Variants in PIP4P1 observed in about 807,000 individuals in gnomAD.
PIP4P1 encodes phosphatidylinositol-4,5-bisphosphate 4-phosphatase 1, also known as type 1 phosphatidylinositol 4,5-bisphosphate 4-phosphatase.
Under a neutral mutation model 32.3 loss-of-function variants are expected in PIP4P1, and 14 were observed. The ratio of observed to expected loss-of-function variants is 0.43; its 90% CI spans 0.29 to 0.68. The LOEUF (loss-of-function observed/expected upper bound fraction) is 0.68. PIP4P1 is among the 30% of genes least tolerant of loss of function. The probability of loss-of-function intolerance (pLI) is 0.15; values close to 1 mark genes in which losing one functional copy is unlikely to be tolerated. For synonymous variants in PIP4P1, 132 were observed against 137.9 expected (o/e 0.96, Z 0.30); for missense variants, 289 against 364.5 (o/e 0.79, Z 1.69).
In PIP4P1 at chr14:20,457,907, C is replaced by T. The variant is rs879497853; in HGVS notation, c.*652G>A. ...CAAGCACAGGATAAGTCCCTAACCT[C>T]CCCCAAAGACTGAGCAACCCTACCC... On this transcript the variant is annotated 3_prime_UTR_variant, in exon 7 of 7. Coordinates refer to ENST00000250489, the MANE Select transcript of PIP4P1 (RefSeq NM_144568.4). 8 of 328,728 alleles carry T rather than the reference C, an allele frequency of 2.4e-5. No individual in the cohort carries two copies. The highest frequency in any genetic ancestry group is 4.4e-5 in the Admixed American group (1 of 22,734). The allele number at this position is 328,728 out of a possible 1,614,324, so 20.4% of individuals were successfully genotyped here.
rs1881712901 is a variant in PIP4P1 at position 20,461,405 on chromosome 14, CG to C, written c.-81del. The C allele has an allele frequency of 8.2e-7, 1 of 1,212,920 alleles. No homozygotes were observed. The highest frequency in any genetic ancestry group is 3.2e-5 in the East Asian group (1 of 31,494). 75.1% of individuals were successfully genotyped at this position (1,212,920 alleles called of 1,614,324 possible). On this transcript the variant is annotated 5_prime_UTR_variant, in exon 1 of 7. Coordinates refer to ENST00000250489, the MANE Select transcript of PIP4P1 (RefSeq NM_144568.4). ...CCGTCGCCGCAGCCACCGCCACCGCCGCCACCGCCACCGCCGCTACCGGGTC... is the reference window on the plus strand; with the variant it reads ...CCGTCGCCGCAGCCACCGCCACCGCCCCACCGCCACCGCCGCTACCGGGTC...
chr14:20,459,981 G>C (rs749351165), intron 3 of PIP4P1: 10 of 620,664 alleles, frequency 1.6e-5, no homozygotes, highest in Non-Finnish European at 2.6e-5. Context: ...AGTCCCCAAG[G>C]CTCTCTATTC....
intron 3 of PIP4P1, 157 bp from the exon 4 acceptor site, chr14:20,459,890 C>T (rs1053466863): frequency 4.7e-6 from 3 of 638,770 alleles, no homozygotes; most frequent in Admixed American, 5.7e-5. Flanking sequence ...AACTGTATAC[C>T]CTCAAGAATC....
At chr14:20,458,962 CTTAAA>C (rs761893349) in intron 6 of PIP4P1, 75 of 625,604 alleles carry the variant, frequency 1.2e-4, no homozygotes, top group Non-Finnish European at 1.8e-4. Flanking sequence ...AATAGCAACT[CTTAAA>C]TTAAGAATTT....
intron 3 of PIP4P1, 184 bp from the exon 4 acceptor site, chr14:20,459,917 C>T (rs1881637588): frequency 3.2e-6 from 2 of 626,538 alleles, no homozygotes; most frequent in Middle Eastern, 4.3e-4. Flanking sequence ...AAAGAAAGAG[C>T]ACTGTTTAAA....
Position 20,457,955 on chromosome 14 carries a change from G to C in PIP4P1, c.*604C>G, listed in dbSNP as rs537226209. ...CCCAGCCCAGTTAAATACTGCAACTGGGGGGGTAAAAAAGGTCGGGAGGAG... is the reference window on the plus strand; with the variant it reads ...CCCAGCCCAGTTAAATACTGCAACTCGGGGGGTAAAAAAGGTCGGGAGGAG... On this transcript the variant is annotated 3_prime_UTR_variant, in exon 7 of 7. Coordinates refer to ENST00000250489, the MANE Select transcript of PIP4P1 (RefSeq NM_144568.4). 1 of 309,054 alleles carries C rather than the reference G, an allele frequency of 3.2e-6. No individual in the cohort carries two copies. Among genetic ancestry groups the C allele is most frequent in the East Asian group, 8.4e-5 (1 of 11,868 alleles). The allele number at this position is 309,054 out of a possible 1,614,324, so 19.1% of individuals were successfully genotyped here.
In PIP4P1 at chr14:20,461,318, G is replaced by A. The variant is rs1881704164; in HGVS notation, c.8C>T (p.Ala3Val). The change falls in exon 1 of 7, where the codon GCA (alanine) becomes GTA (valine). Residue 3 changes from alanine (A) to valine (V), a missense_variant. Physicochemically the swap from Ala to Val is moderately conservative, Grantham distance 64 (BLOSUM62 0). Around this residue, in one of 2 missense-constraint regions of PIP4P1, gnomAD observed 108 missense variants for 101.2 expected, o/e 1.07. Coordinates refer to ENST00000250489, the MANE Select transcript of PIP4P1 (RefSeq NM_144568.4). MA[A>V]DGERSPLLSE... is the part of the protein sequence containing the mutation. ...CAGCAGCGGGGAACGCTCTCCATCT[G>A]CCGCCATGGCCGCCACCGCCGCCTC... 1.6e-6 allele frequency: 2 copies of A among 1,285,064 alleles called. No individual in the cohort carries two copies. Among genetic ancestry groups the A allele is most frequent in the African/African-American group, 1.5e-5 (1 of 65,970 alleles). The allele number at this position is 1,285,064 out of a possible 1,614,324, so 79.6% of individuals were successfully genotyped here. A position where few individuals can be genotyped will look rare whatever the true frequency, so the allele number is the denominator to read the frequency against.
At position 20,459,656 on chromosome 14, in the gene PIP4P1, A is replaced by G; in HGVS notation, c.518T>C (p.Ile173Thr). 1 of 1,614,110 alleles carries G rather than the reference A, an allele frequency of 6.2e-7. No individual in the cohort carries two copies. The highest frequency in any genetic ancestry group is 8.5e-7 in the Non-Finnish European group (1 of 1,180,000). The change falls in exon 4 of 7, where the codon ATC (isoleucine) becomes ACC (threonine). Residue 173 changes from isoleucine (I) to threonine (T), a missense_variant. Around this residue, in one of 2 missense-constraint regions of PIP4P1, gnomAD observed 181 missense variants for 263.3 expected, o/e 0.69. Transcript: ENST00000250489. ...AAAAGTATTCTTGCAATGTCCACAG[A>G]TAACCCTGACACCCATGGGTTGGGG... is the stretch of plus-strand genomic sequence containing the variant. ...PEPQPMGVRV[I>T]CGHCKNTFLW...
At chr14:20,461,058 A>C (rs1380782976) in intron 1 of PIP4P1, 126 bp downstream of exon 1, 2 of 1,274,646 alleles carry the variant, frequency 1.6e-6, no homozygotes, top group African/African-American at 3.1e-5. Flanking sequence ...TCACAGGTGC[A>C]GCAGTCCCGC....
chr14:20,458,588 C>T lies in PIP4P1; in HGVS notation c.805G>A (p.Val269Ile). 6.2e-7 allele frequency: 1 copy of T among 1,614,124 alleles called. No homozygotes were observed. Among genetic ancestry groups the T allele is most frequent in the Non-Finnish European group, 8.5e-7 (1 of 1,179,990 alleles). ...GAGAAGTTCTGGACAGGGTGGCTGA[C>T]CTTCATACAGGCCCAATAAAGAGCC... is the stretch of plus-strand genomic sequence containing the variant. ...GRALYWACMKVSHPVQNFS is the reference protein window; with the variant it reads ...GRALYWACMKISHPVQNFS Residue 269 changes from valine to isoleucine, a missense_variant, in exon 7 of 7, where the codon GTC becomes ATC. Physicochemically the swap from Val to Ile is conservative, Grantham distance 29. Around this residue, in one of 2 missense-constraint regions of PIP4P1, gnomAD observed 181 missense variants for 263.3 expected, o/e 0.69. Coordinates refer to ENST00000250489, the MANE Select transcript of PIP4P1 (RefSeq NM_144568.4).
At chr14:20,459,483 C>A (rs547825789) in intron 4 of PIP4P1, 43 bp from the exon 5 acceptor site, 234 of 1,612,488 alleles carry the variant, frequency 1.5e-4, no homozygotes, top group Non-Finnish European at 1.9e-4. Flanking sequence ...AGCAGGGTCT[C>A]CCTCAATGAG....
intron 3 of PIP4P1, 27 bp downstream of exon 3, chr14:20,460,165 G>C: frequency 6.4e-7 from 1 of 1,556,278 alleles, no homozygotes; most frequent in Non-Finnish European, 8.9e-7. Context: ...TCCCCACTTA[G>C]GCCCTTCCCC....
At position 20,461,216 on chromosome 14, in the gene PIP4P1, C is replaced by T. The variant is rs1016450947; in HGVS notation, c.110G>A (p.Gly37Asp). The change falls in exon 1 of 7, where the codon GGC (glycine) becomes GAC (aspartate). Residue 37 changes from glycine to aspartate, a missense_variant. Around this residue, in one of 2 missense-constraint regions of PIP4P1, gnomAD observed 108 missense variants for 101.2 expected, o/e 1.07. Coordinates refer to ENST00000250489, the MANE Select transcript of PIP4P1 (RefSeq NM_144568.4). ...GTACGGTGGTGCGGAGGGGGTCAGG[C>T]CTCCCCCGGGCCCAGCCCCACTCCC... is the stretch of plus-strand genomic sequence containing the variant. ...PGGSGAGPGG[G>D]LTPSAPPYGA... 2 of 1,255,964 alleles carry T rather than the reference C, an allele frequency of 1.6e-6. No individual in the cohort carries two copies. Among genetic ancestry groups the T allele is most frequent in the African/African-American group, 1.5e-5 (1 of 64,804 alleles). The allele number at this position is 1,255,964 out of a possible 1,614,324, so 77.8% of individuals were successfully genotyped here.
Position 20,459,194 on chromosome 14 carries a change from A to T in PIP4P1, c.690+12T>A. On this transcript the variant is annotated intron_variant, in intron 6 of 6. Coordinates refer to ENST00000250489, the MANE Select transcript of PIP4P1 (RefSeq NM_144568.4). ...GCTGCAGAATGAAAGAGGTTGGGGC[A>T]AGGGTACTCACGGCAAGGCCAGTGG... 1 of 1,613,888 alleles carries T rather than the reference A, an allele frequency of 6.2e-7. No homozygotes were observed. The highest frequency in any genetic ancestry group is 8.5e-7 in the Non-Finnish European group (1 of 1,179,926).
Position 20,458,022 on chromosome 14 carries a change from T to TAAATAGTTATATACAC in PIP4P1, c.*521_*536dup. The TAAATAGTTATATACAC allele has an allele frequency of 3.2e-6, 1 of 310,864 alleles. No individual in the cohort carries two copies. The highest frequency in any genetic ancestry group is 6.2e-6 in the Non-Finnish European group (1 of 160,876). 19.3% of individuals were successfully genotyped at this position (310,864 alleles called of 1,614,324 possible). A position where few individuals can be genotyped will look rare whatever the true frequency, so the allele number is the denominator to read the frequency against. ...AGGAATAGGGGAACATATCCCACAT[T>TAAATAGTTATATACAC]AAATAGTTATATACACATCAGTTCC... On this transcript the variant is annotated 3_prime_UTR_variant, in exon 7 of 7. Coordinates refer to ENST00000250489, the MANE Select transcript of PIP4P1 (RefSeq NM_144568.4).
Position 20,460,769 on chromosome 14 carries a change from G to A in PIP4P1, c.219C>T (p.Ser73=), listed in dbSNP as rs1881672333. 3 of 1,610,760 alleles carry A rather than the reference G, an allele frequency of 1.9e-6. No individual in the cohort carries two copies. Among genetic ancestry groups the A allele is most frequent in the African/African-American group, 1.3e-5 (1 of 74,956 alleles). ...EDPPPYSPLT[S]PDSGSAPMIT... Reference sequence around the variant, plus strand: ...TCATAGGGGCACTCCCACTGTCCGGGCTAGTTAAGGGTGAATAGGGGGGTG... The same window carrying A: ...TCATAGGGGCACTCCCACTGTCCGGACTAGTTAAGGGTGAATAGGGGGGTG... Residue 73 remains serine (S), a synonymous_variant, in exon 2 of 7, where the codon AGC becomes AGT. Transcript: ENST00000250489.
At chr14:20,460,999 C>A (rs1881685162) in intron 1 of PIP4P1, 154 bp from the exon 2 acceptor site, 1 of 1,243,410 alleles carries the variant, frequency 8.0e-7, no homozygotes, top group Non-Finnish European at 1.0e-6. Context: ...AACCCCCTTC[C>A]GTCCCTAGGC....
At position 20,461,333 on chromosome 14, in the gene PIP4P1, A is replaced by ACCGCCGCCT. The variant is rs1276128086; in HGVS notation, c.-17_-9dup. 7.8e-7 allele frequency: 1 copy of ACCGCCGCCT among 1,281,092 alleles called. No individual in the cohort carries two copies. The highest frequency in any genetic ancestry group is 9.9e-7 in the Non-Finnish European group (1 of 1,014,736). 79.4% of individuals were successfully genotyped at this position (1,281,092 alleles called of 1,614,324 possible). ...CTCTCCATCTGCCGCCATGGCCGCC[A>ACCGCCGCCT]CCGCCGCCTCCCGCTCAGGTCGGCG... On this transcript the variant is annotated 5_prime_UTR_variant, in exon 1 of 7. Transcript: ENST00000250489.
Position 20,458,497 on chromosome 14 carries a change from C to G in PIP4P1, c.*62G>C. The G allele has an allele frequency of 6.2e-7, 1 of 1,603,918 alleles. No individual in the cohort carries two copies. Among genetic ancestry groups the G allele is most frequent in the African/African-American group, 1.3e-5 (1 of 74,680 alleles). ...CCGGGAGCCTTTAACTACCCCAGCT[C>G]CCTTCGTAGTGTCACTGTCCCCACC... On this transcript the variant is annotated 3_prime_UTR_variant, in exon 7 of 7. Transcript: ENST00000250489.
Sources: allele counts gnomAD v4.1 joint callset, GRCh38; gene constraint gnomAD v4.1.1; regional missense constraint gnomAD v4.1.1; transcripts MANE v1.5; gene names NCBI Gene and HGNC (gene_info 2026-07-23, HGNC 2026-07-21).